The following GPC5 variants were observed in gnomAD, a reference collection of about 807,000 sequenced individuals.
GPC5 encodes glypican 5.
In GPC5, 47 loss-of-function variants were observed where a neutral mutation model predicts 53.9. That is an observed-to-expected ratio of 0.87 (90% confidence interval 0.69 to 1.11). GPC5 has a LOEUF of 1.11. Ranked by LOEUF, GPC5 falls within the 50% of genes most tolerant of loss-of-function variation. The pLI, the probability that GPC5 is intolerant of heterozygous loss-of-function variation, is 0.00. For missense variants in GPC5, 748 were observed against 713.1 expected, an observed-to-expected ratio of 1.05 and a Z score of -0.56; for synonymous variants, 286 against 263.3, an observed-to-expected ratio of 1.09 and a Z score of -0.84.
At chr13:92,427,279 C>T (rs1467228749) in intron 7 of GPC5, among the ~76,000 whole-genome samples, 1 of 149,638 alleles carries the variant, frequency 6.7e-6, no homozygotes, top group African/African-American at 2.5e-5. Flanking sequence ...AACCTAACTC[C>T]TCTACAAGTT....
At chr13:92,310,522 G>GCATTT (rs1461738767) in intron 7 of GPC5, among the ~76,000 whole-genome samples, 5 of 152,088 alleles carry the variant, frequency 3.3e-5, no homozygotes, top group African/African-American at 1.2e-4. Flanking sequence ...TTGTTGCATT[G>GCATTT]CATTTCATTT....
chr13:92,499,475 G>A (rs1475510858), intron 7 of GPC5, among the ~76,000 whole-genome samples: 1 of 152,098 alleles, frequency 6.6e-6, no homozygotes, highest in Non-Finnish European at 1.5e-5. Flanking sequence ...TATTGAAAAT[G>A]TTTTCATAAT....
intron 2 of GPC5, among the ~76,000 whole-genome samples, chr13:91,571,728 T>TATAG (rs1243851029): frequency 7.0e-6 from 1 of 142,544 alleles, no homozygotes; most frequent in Non-Finnish European, 1.5e-5. Flanking sequence ...CTGTCTCAAA[T>TATAG]ATATATATAT....
At chr13:92,422,479 A>C (rs1053038735) in intron 7 of GPC5, among the ~76,000 whole-genome samples, 1 of 135,396 alleles carries the variant, frequency 7.4e-6, no homozygotes. Context: ...AGCACCACCC[A>C]TCACCATCTC....
intron 5 of GPC5, among the ~76,000 whole-genome samples, chr13:91,825,266 G>A (rs2038559270): frequency 6.6e-6 from 1 of 152,074 alleles, no homozygotes; most frequent in Non-Finnish European, 1.5e-5. Flanking sequence ...TGCCCAAGCA[G>A]CAGTATCTCT....
intron 6 of GPC5, among the ~76,000 whole-genome samples, chr13:91,920,924 C>CTTTTTTTTT (rs1447586700): frequency 6.7e-5 from 4 of 59,590 alleles, no homozygotes; most frequent in African/African-American, 2.7e-4. Flanking sequence ...CTCTCTCTCT[C>CTTTTTTTTT]TCTTTTTTTT....
intron 7 of GPC5, among the ~76,000 whole-genome samples, chr13:92,312,520 A>G (rs1566533494): frequency 6.6e-6 from 1 of 152,186 alleles, no homozygotes; most frequent in Non-Finnish European, 1.5e-5. Flanking sequence ...ACTATTTTAT[A>G]TTTTGCCTTC....
At chr13:92,121,710 T>G (rs1328348843) in intron 6 of GPC5, among the ~76,000 whole-genome samples, 2 of 152,178 alleles carry the variant, frequency 1.3e-5, no homozygotes, top group Non-Finnish European at 2.9e-5. Context: ...ATCAGGACAA[T>G]TCTATTCACC....
intron 4 of GPC5, among the ~76,000 whole-genome samples, chr13:91,729,746 T>C (rs1306898590): frequency 6.6e-6 from 1 of 152,142 alleles, no homozygotes; most frequent in Non-Finnish European, 1.5e-5. Context: ...ACTTGAAAAA[T>C]CAGTATATTT....
At chr13:91,793,715 A>ACAAT (rs1275189804) in intron 5 of GPC5, among the ~76,000 whole-genome samples, 1 of 152,170 alleles carries the variant, frequency 6.6e-6, no homozygotes, top group African/African-American at 2.4e-5. Context: ...CAGGAAACTT[A>ACAAT]CAATCATGGG....
intron 7 of GPC5, among the ~76,000 whole-genome samples, chr13:92,398,161 A>G (rs983157711): frequency 3.9e-5 from 6 of 151,982 alleles, no homozygotes; most frequent in Admixed American, 3.9e-4. Context: ...AAATTATTCC[A>G]CTCCACGCCT....
chr13:92,838,207 A>G (rs897422786), intron 7 of GPC5, among the ~76,000 whole-genome samples: 24 of 149,830 alleles, frequency 1.6e-4, no homozygotes, highest in African/African-American at 5.9e-4. Flanking sequence ...CTACTCGGCC[A>G]GGCACGGTGG....
chr13:92,672,347 C>G lies in GPC5; in HGVS notation c.1562-193935C>G, dbSNP rs113152585. On this transcript the variant is annotated intron_variant, in intron 7 of 7. Transcript: ENST00000377067. ...ACCACAGTAAGATACCATCTTATAC[C>G]AGCCAGAATGGCTGTTATTAAAAAG... is the stretch of plus-strand genomic sequence containing the variant. 2.5e-3 allele frequency among the ~76,000 whole-genome samples: 376 copies of G among 152,216 alleles called. 1 individual carries two copies. Among genetic ancestry groups the G allele is most frequent in the African/African-American group, 8.4e-3 (348 of 41,542 alleles).
intron 7 of GPC5, among the ~76,000 whole-genome samples, chr13:92,259,523 C>T (rs987457614): frequency 6.6e-6 from 1 of 152,108 alleles, no homozygotes; most frequent in Non-Finnish European, 1.5e-5. Context: ...GAGGAAAATA[C>T]AGATTTGATT....
intron 2 of GPC5, among the ~76,000 whole-genome samples, chr13:91,671,839 A>T (rs1367732422): frequency 6.6e-6 from 1 of 151,604 alleles, no homozygotes; most frequent in Non-Finnish European, 1.5e-5. Context: ...CAGACTTCAA[A>T]CTATAGTGCA....
At chr13:91,686,652 A>T (rs956711232) in intron 2 of GPC5, among the ~76,000 whole-genome samples, 3 of 151,992 alleles carry the variant, frequency 2.0e-5, no homozygotes, top group African/African-American at 7.2e-5. Flanking sequence ...TATTAAAATT[A>T]TTCAGAAGTA....
chr13:91,758,318 A>C (rs2138646203), intron 5 of GPC5, among the ~76,000 whole-genome samples: 2 of 152,206 alleles, frequency 1.3e-5, no homozygotes, highest in East Asian at 3.9e-4. Flanking sequence ...CTGGAATTGA[A>C]CTTTTTGTAT....
intron 6 of GPC5, among the ~76,000 whole-genome samples, chr13:92,030,245 T>A (rs1186490452): frequency 6.6e-6 from 1 of 152,118 alleles, no homozygotes; most frequent in Non-Finnish European, 1.5e-5. Flanking sequence ...CAGAGAAAAA[T>A]GAAGCCCTCA....
intron 7 of GPC5, among the ~76,000 whole-genome samples, chr13:92,702,296 A>G (rs1465261848): frequency 6.6e-6 from 1 of 152,100 alleles, no homozygotes; most frequent in Admixed American, 6.6e-5. Context: ...ATATAGCTCT[A>G]TGTCTCTGAA....
Sources: allele counts gnomAD v4.1 joint callset (sites outside exome capture counted in the v4.1 genomes callset), GRCh38; gene constraint gnomAD v4.1.1; transcripts MANE v1.5; gene names NCBI Gene and HGNC (gene_info 2026-07-23, HGNC 2026-07-21).